Variants in ERG observed in about 807,000 individuals in gnomAD.
The protein encoded by ERG is ETS transcription factor ERG.
Under a neutral mutation model 55.3 loss-of-function variants are expected in ERG, and 9 were observed. The observed-to-expected ratio is 0.16, with a 90% CI of 0.10 to 0.28. The LOEUF (loss-of-function observed/expected upper bound fraction) is 0.28. Among genes scored for constraint, ERG ranks in the 10% least tolerant of loss-of-function variants. The pLI, the probability that ERG is intolerant of heterozygous loss-of-function variation, is 1.00. For missense variants in ERG, 434 were observed against 631.6 expected (o/e 0.69, Z 3.35); for synonymous variants, 223 against 237.3 (o/e 0.94, Z 0.55).
intron 1 of ERG, among the ~76,000 whole-genome samples, chr21:38,489,443 C>T (rs559488381): frequency 7.9e-5 from 12 of 152,208 alleles, no homozygotes; most frequent in Admixed American, 3.3e-4. Flanking sequence ...CTCCTAAGAC[C>T]GGCTTAACCG....
At chr21:38,477,163 G>C (rs2059196800) in intron 1 of ERG, among the ~76,000 whole-genome samples, 1 of 151,936 alleles carries the variant, frequency 6.6e-6, no homozygotes, top group Admixed American at 6.6e-5. Flanking sequence ...GCAGGCGAAG[G>C]CCACCATGCC....
intron 9 of ERG, among the ~76,000 whole-genome samples, chr21:38,385,228 G>A (rs1034652963): frequency 2.6e-5 from 4 of 152,180 alleles, no homozygotes; most frequent in South Asian, 2.1e-4. Flanking sequence ...AGCAGTATCC[G>A]TACCAAGAGA....
At chr21:38,627,260 A>G (rs2146951898) in intron 1 of ERG, among the ~76,000 whole-genome samples, 1 of 152,328 alleles carries the variant, frequency 6.6e-6, no homozygotes, top group Non-Finnish European at 1.5e-5. Flanking sequence ...CAAAAATCAT[A>G]AAATTGCCAA....
chr21:38,369,095 A>G, the ERG span, among the ~76,000 whole-genome samples: 1 of 152,204 alleles, frequency 6.6e-6, no homozygotes, highest in Non-Finnish European at 1.5e-5. Context: ...ACATGTCTTT[A>G]TAATAGAATG....
intron 2 of ERG, among the ~76,000 whole-genome samples, chr21:38,526,167 C>A (rs552394294): frequency 6.6e-6 from 1 of 152,116 alleles, no homozygotes; most frequent in East Asian, 1.9e-4. Flanking sequence ...CTGTCCTTCT[C>A]GGGTATGGCT....
chr21:38,588,898 A>T (rs76072324), upstream of ERG, among the ~76,000 whole-genome samples: 729 of 46,370 alleles, frequency 0.016, 5 homozygotes, highest in African/African-American at 0.043. Context: ...GCTAATTTTT[A>T]AAAAAAAAAT....
At chr21:38,572,324 C>T (rs951987856) in intron 2 of ERG, among the ~76,000 whole-genome samples, 25 of 147,184 alleles carry the variant, frequency 1.7e-4, no homozygotes, top group Non-Finnish European at 3.1e-4. Flanking sequence ...GCCAAGATCG[C>T]GCCACTGCAC....
At chr21:38,402,001 C>T (rs891344174) in intron 5 of ERG, among the ~76,000 whole-genome samples, 1 of 152,188 alleles carries the variant, frequency 6.6e-6, no homozygotes, top group African/African-American at 2.4e-5. Context: ...AGCAGAGGTT[C>T]CCTCTGAACA....
chr21:38,656,819 G>T (rs906821636), intron 1 of ERG, among the ~76,000 whole-genome samples: 3 of 152,072 alleles, frequency 2.0e-5, no homozygotes, highest in Non-Finnish European at 4.4e-5. Context: ...TGAAAATAAG[G>T]GTTTCCTATT....
Position 38,483,388 on chromosome 21 carries a change from ACAT to A in ERG, c.18+14972_18+14974del, listed in dbSNP as rs556766279. Among the ~76,000 whole-genome samples, 32 of 152,326 alleles carry A rather than the reference ACAT, an allele frequency of 2.1e-4. No individual in the cohort carries two copies. The South Asian group carries it at 6.0e-3, about 29-fold the overall frequency. ...TATCACCATCTTCATGTATATCAAA[ACAT>A]CATGTTGTACACCTTAAATATATAA... On this transcript the variant is annotated intron_variant, in intron 1 of 9. Coordinates refer to ENST00000288319, the MANE Select transcript of ERG (RefSeq NM_182918.4).
At chr21:38,553,565 C>T (rs149505649) in intron 2 of ERG, among the ~76,000 whole-genome samples, 183 of 152,156 alleles carry the variant, frequency 1.2e-3, no homozygotes, top group African/African-American at 4.1e-3. Context: ...ACAAAGTAGA[C>T]AAAACAAGCA....
intron 1 of ERG, among the ~76,000 whole-genome samples, chr21:38,484,367 A>C (rs1388940649): frequency 6.6e-6 from 1 of 152,212 alleles, no homozygotes; most frequent in Non-Finnish European, 1.5e-5. Context: ...TAGTTGGTTC[A>C]AAATAGCTTG....
intron 2 of ERG, among the ~76,000 whole-genome samples, chr21:38,430,255 G>T (rs1341779531): frequency 2.0e-5 from 3 of 151,910 alleles, no homozygotes; most frequent in Non-Finnish European, 4.4e-5. Flanking sequence ...CCCATTTTTT[G>T]ATGAAATTAT....
intron 2 of ERG, among the ~76,000 whole-genome samples, chr21:38,573,614 C>T (rs1024038332): frequency 1.2e-4 from 19 of 152,206 alleles, no homozygotes; most frequent in Non-Finnish European, 2.2e-4. Context: ...GATTCTTTTG[C>T]TCACATGTTT....
intron 1 of ERG, among the ~76,000 whole-genome samples, chr21:38,637,082 GTC>G (rs776105289): frequency 9.2e-5 from 14 of 152,194 alleles, no homozygotes; most frequent in Non-Finnish European, 1.6e-4. Context: ...TGATAATCTA[GTC>G]TAGATGAAGA....
At chr21:38,375,276 C>G (rs1480807295), downstream of ERG, among the ~76,000 whole-genome samples, 1 of 152,184 alleles carries the variant, frequency 6.6e-6, no homozygotes, top group African/African-American at 2.4e-5. Flanking sequence ...TGAGAAAGAC[C>G]TGACTTAAAA....
chr21:38,521,120 CAG>C (rs1318228286), intron 2 of ERG, among the ~76,000 whole-genome samples: 7 of 152,246 alleles, frequency 4.6e-5, no homozygotes, highest in African/African-American at 1.7e-4. Flanking sequence ...GCCGACAGCA[CAG>C]AGTCGAGGAG....
intron 1 of ERG, among the ~76,000 whole-genome samples, chr21:38,470,348 G>A (rs1192487770): frequency 6.6e-6 from 1 of 152,126 alleles, no homozygotes; most frequent in Non-Finnish European, 1.5e-5. Flanking sequence ...TTGGGGGAAG[G>A]TGATGAATAA....
At chr21:38,371,821 A>G in the ERG span, among the ~76,000 whole-genome samples, 1 of 151,874 alleles carries the variant, frequency 6.6e-6, no homozygotes, top group African/African-American at 2.4e-5. Flanking sequence ...CTTTTTTTGT[A>G]CTGTTATTGT....
Sources: gnomAD v4.1 joint callset for allele counts (sites outside exome capture counted in the v4.1 genomes callset) on GRCh38, gnomAD v4.1.1 for gene constraint, MANE v1.5 for transcripts, NCBI Gene and HGNC (gene_info 2026-07-23, HGNC 2026-07-21) for gene names.